MAP3K5: variants seen among roughly 807,000 people sequenced by gnomAD.
MAP3K5 encodes mitogen-activated protein kinase kinase kinase 5.
Under a neutral mutation model 158.7 loss-of-function variants are expected in MAP3K5, and 56 were observed. That is an observed-to-expected ratio of 0.35 (90% CI 0.28 to 0.44). The LOEUF is 0.44. Among genes scored for constraint, MAP3K5 ranks in the 20% least tolerant of loss-of-function variants. The pLI, the probability that MAP3K5 is intolerant of heterozygous loss-of-function variation, is 1.00. For synonymous variants in MAP3K5, 579 were observed against 601.7 expected, an observed-to-expected ratio of 0.96 and a Z score of 0.55; for missense variants, 1,294 against 1,674.8, an observed-to-expected ratio of 0.77 and a Z score of 3.97.
At chr6:136,563,023 C>T (rs978401218) in intron 26 of MAP3K5, among the ~76,000 whole-genome samples, 1 of 151,892 alleles carries the variant, frequency 6.6e-6, no homozygotes, top group Non-Finnish European at 1.5e-5. Context: ...TAAGCACATA[C>T]ACCCCTAATT....
chr6:136,667,439 G>A (rs977215036), intron 8 of MAP3K5, among the ~76,000 whole-genome samples: 6 of 152,026 alleles, frequency 3.9e-5, no homozygotes, highest in African/African-American at 1.2e-4. Context: ...ATTATTTCAG[G>A]CTGGGCAAGG....
Position 136,784,842 on chromosome 6 carries a change from T to C in MAP3K5, c.448+6868A>G, listed in dbSNP as rs191722969. Among the ~76,000 whole-genome samples the C allele has an allele frequency of 3.3e-5, 5 of 152,316 alleles. No homozygotes were observed. In the East Asian group the frequency reaches 9.6e-4, roughly 29 times the overall value. Reference sequence around the variant, plus strand: ...CTAATTTTTTTTTAACATAAAACTTTCCTTTTTAAGAAATCATGGCAATAG... The same window carrying C: ...CTAATTTTTTTTTAACATAAAACTTCCCTTTTTAAGAAATCATGGCAATAG... On this transcript the variant is annotated intron_variant, in intron 1 of 29. Transcript: ENST00000359015.
In MAP3K5 at chr6:136,720,506, C is replaced by G. The variant is rs1013830348; in HGVS notation, c.532G>C (p.Ala178Pro). 1.2e-6 allele frequency: 2 copies of G among 1,613,274 alleles called. No individual in the cohort carries two copies. The highest frequency in any genetic ancestry group is 1.7e-6 in the Non-Finnish European group (2 of 1,179,550). The change falls in exon 2 of 30, where the codon GCC (alanine) becomes CCC (proline). Residue 178 changes from alanine (A) to proline (P), a missense_variant. By Grantham distance (27) the Ala-to-Pro change is conservative. Coordinates refer to ENST00000359015, the MANE Select transcript of MAP3K5 (RefSeq NM_005923.4). ...TCACAGTAGAGGATGATGTTGTTGG[C>G]CATGCTGAAACTTTCTCTCACCCCA... ...HLGVRESFSM[A>P]NNIILYCDTN...
At chr6:136,571,260 C>A (rs1187489175) in intron 25 of MAP3K5, among the ~76,000 whole-genome samples, 1 of 152,196 alleles carries the variant, frequency 6.6e-6, no homozygotes, top group African/African-American at 2.4e-5. Context: ...TTTACTCACT[C>A]TCCAATGTCC....
In MAP3K5 at chr6:136,609,733, C is replaced by T. The variant is rs575075686; in HGVS notation, c.2521+1549G>A. On this transcript the variant is annotated intron_variant, in intron 18 of 29. Transcript: ENST00000359015. This position sits in a 1 kb window ranked among gnomAD's most constrained non-coding sequence, Gnocchi z 4.4. ...CACTTGAGCCCGGGGTAGGGGAGGTCACAGTGAGCAGAGATTACACCACTG... is the reference window on the plus strand; with the variant it reads ...CACTTGAGCCCGGGGTAGGGGAGGTTACAGTGAGCAGAGATTACACCACTG... 6.6e-6 allele frequency among the ~76,000 whole-genome samples: 1 copy of T among 151,624 alleles called. No individual in the cohort carries two copies. The highest frequency in any genetic ancestry group is 1.9e-4 in the East Asian group (1 of 5,154).
At chr6:136,626,403 T>G (rs149304848) in intron 14 of MAP3K5, among the ~76,000 whole-genome samples, 1 of 152,268 alleles carries the variant, frequency 6.6e-6, no homozygotes, top group Non-Finnish European at 1.5e-5. Context: ...CTGCCTAACA[T>G]AAAGCTGAAG....
chr6:136,720,445 G>GGTACC lies in MAP3K5; in HGVS notation c.588_588+4dup. On this transcript the variant is annotated splice_donor_region_variant and intron_variant, in intron 2 of 29. Transcript: ENST00000359015. ...AATGAAACATTCAGTAAACAAGGGAGGTACCTTCAGTGACTGCAGAGAGTC... is the reference window on the plus strand; with the variant it reads ...AATGAAACATTCAGTAAACAAGGGAGGTACCGTACCTTCAGTGACTGCAGAGAGTC... 1 of 1,584,894 alleles carries GGTACC rather than the reference G, an allele frequency of 6.3e-7. No individual in the cohort carries two copies. The highest frequency in any genetic ancestry group is 8.6e-7 in the Non-Finnish European group (1 of 1,167,520).
chr6:136,671,062 A>G (rs1779462458), intron 7 of MAP3K5, among the ~76,000 whole-genome samples: 1 of 152,218 alleles, frequency 6.6e-6, no homozygotes, highest in Non-Finnish European at 1.5e-5. Flanking sequence ...CCAACAAAAA[A>G]GGATTTAGGA....
chr6:136,657,519 T>G (rs1778803956), intron 9 of MAP3K5, among the ~76,000 whole-genome samples: 1 of 152,230 alleles, frequency 6.6e-6, no homozygotes, highest in Admixed American at 6.5e-5. Context: ...TTCCTTTATT[T>G]CATATCATTT....
chr6:136,689,786 A>G (rs146484443), intron 7 of MAP3K5, among the ~76,000 whole-genome samples: 512 of 152,280 alleles, frequency 3.4e-3, no homozygotes, highest in Non-Finnish European at 6.0e-3. Context: ...TATGAGAAGT[A>G]CATGTGTATT....
intron 2 of MAP3K5, among the ~76,000 whole-genome samples, chr6:136,716,636 T>C (rs546556845): frequency 7.2e-5 from 11 of 152,230 alleles, no homozygotes; most frequent in Admixed American, 2.0e-4. Flanking sequence ...TGACCAGGAG[T>C]GTCCAGACTT....
chr6:136,578,847 G>A (rs1774736515), intron 25 of MAP3K5, among the ~76,000 whole-genome samples: 1 of 152,016 alleles, frequency 6.6e-6, no homozygotes, highest in African/African-American at 2.4e-5. Flanking sequence ...TTAAAAGTTT[G>A]TAGTACCATT....
chr6:136,791,881 C>G lies in MAP3K5; in HGVS notation c.277G>C (p.Val93Leu). 6.2e-7 allele frequency: 1 copy of G among 1,613,582 alleles called. No homozygotes were observed. Among genetic ancestry groups the G allele is most frequent in the Non-Finnish European group, 8.5e-7 (1 of 1,179,992 alleles). The change falls in exon 1 of 30, where the codon GTG (valine) becomes CTG (leucine). Residue 93 changes from valine to leucine, a missense_variant. Around this residue, in one of 5 missense-constraint regions of MAP3K5, gnomAD observed 690 missense variants for 870.5 expected, o/e 0.79. Coordinates refer to ENST00000359015, the MANE Select transcript of MAP3K5 (RefSeq NM_005923.4). ...CTCGCTTCGTTGATCACATATGCCA[C>G]CGTGGTCCGTCGGCTGCCCCCGCCA... ...SVGGGSRRTT[V>L]AYVINEASQG... is the part of the protein sequence containing the mutation.
intron 1 of MAP3K5, among the ~76,000 whole-genome samples, chr6:136,750,450 T>C (rs1377459570): frequency 6.6e-6 from 1 of 152,192 alleles, no homozygotes; most frequent in Non-Finnish European, 1.5e-5. Context: ...TAAAAGACCA[T>C]AAATACCTCT....
chr6:136,785,833 G>A (rs551513471), intron 1 of MAP3K5, among the ~76,000 whole-genome samples: 85 of 152,190 alleles, frequency 5.6e-4, no homozygotes, highest in African/African-American at 1.9e-3. Context: ...GAAAAGTCCC[G>A]GTTTTAGGTT....
chr6:136,737,673 A>G (rs1226886442), intron 1 of MAP3K5, among the ~76,000 whole-genome samples: 1 of 152,178 alleles, frequency 6.6e-6, no homozygotes, highest in African/African-American at 2.4e-5. Context: ...GTTCTCCCAC[A>G]TGTTGATTTT....
intron 14 of MAP3K5, among the ~76,000 whole-genome samples, chr6:136,624,275 T>C (rs905820134): frequency 6.6e-6 from 1 of 152,192 alleles, no homozygotes; most frequent in Non-Finnish European, 1.5e-5. Context: ...AAGAGGGCAA[T>C]GATCATGAGT....
intron 7 of MAP3K5, among the ~76,000 whole-genome samples, chr6:136,693,717 C>G (rs944632886): frequency 6.6e-6 from 1 of 151,972 alleles, no homozygotes; most frequent in Admixed American, 6.6e-5. Flanking sequence ...AAGATTGGCC[C>G]GGTGGCTCAC....
chr6:136,610,834 C>A (rs529002974), intron 18 of MAP3K5, among the ~76,000 whole-genome samples: 1 of 151,888 alleles, frequency 6.6e-6, no homozygotes, highest in Non-Finnish European at 1.5e-5. Context: ...ATTGGCCAGG[C>A]GCAGTGGCTC....
Sources: allele counts gnomAD v4.1 joint callset (sites outside exome capture counted in the v4.1 genomes callset), GRCh38; gene constraint gnomAD v4.1.1; regional missense constraint gnomAD v4.1.1; non-coding constraint Gnocchi (gnomAD v3.1); transcripts MANE v1.5; gene names NCBI Gene and HGNC (gene_info 2026-07-23, HGNC 2026-07-21).